Variants in TANC2 observed in about 807,000 individuals in gnomAD.
TANC2 encodes the protein protein TANC2.
Under a neutral mutation model 210.5 loss-of-function variants are expected in TANC2, and 26 were observed. That is an observed-to-expected ratio of 0.12 (90% CI 0.09 to 0.17). TANC2 has a LOEUF of 0.17. Ranked by LOEUF, TANC2 falls within the 10% of genes least tolerant of loss-of-function variation. The probability of loss-of-function intolerance (pLI) is 1.00; values close to 1 mark genes in which losing one functional copy is unlikely to be tolerated. For synonymous variants in TANC2, 931 were observed against 967.1 expected, an observed-to-expected ratio of 0.96 and a Z score of 0.69; for missense variants, 2,129 against 2,608.9, an observed-to-expected ratio of 0.82 and a Z score of 4.01.
intron 3 of TANC2, among the ~76,000 whole-genome samples, chr17:63,084,556 T>G (rs1420820588): frequency 6.6e-6 from 1 of 151,146 alleles, no homozygotes; most frequent in African/African-American, 2.5e-5. Flanking sequence ...TTTAATTTGC[T>G]CTTCTTTTTC....
intron 9 of TANC2, among the ~76,000 whole-genome samples, chr17:63,280,444 T>A (rs943220119): frequency 6.6e-6 from 1 of 152,108 alleles, no homozygotes; most frequent in African/African-American, 2.4e-5. Context: ...CAAGTAAATA[T>A]CATATCTTCT....
In TANC2 at chr17:63,421,487, T is replaced by C. The variant is rs748180943; in HGVS notation, c.5757T>C (p.Ser1919=). ...CTCCAACTCAAGGAGGTTACCCCAG[T>C]GAGCCCACCCGATCCAGGACCACAC... Residue 1919 remains serine, a synonymous_variant, in exon 28 of 28, where the codon AGT becomes AGC. Transcript: ENST00000689528. This position sits in a 1 kb window ranked among gnomAD's most constrained non-coding sequence, Gnocchi z 6.9. 3.6e-5 allele frequency: 58 copies of C among 1,613,834 alleles called. No homozygotes were observed. Among genetic ancestry groups the C allele is most frequent in the Non-Finnish European group, 4.7e-5 (56 of 1,179,870 alleles).
At chr17:63,194,039 C>G in exon 6 of TANC2, 2 of 1,613,170 alleles carry the variant, frequency 1.2e-6, no homozygotes, top group Non-Finnish European at 1.7e-6. Flanking sequence ...GATGAGGCAG[C>G]AAACACACTC....
intron 3 of TANC2, chr17:63,088,163 T>C (rs2037047312): frequency 6.6e-6 from 1 of 152,180 alleles, no homozygotes; most frequent in African/African-American, 2.4e-5. Context: ...ATGATTTGTT[T>C]CCTTGTATTA....
At chr17:63,046,714 C>T (rs1223017798) in intron 2 of TANC2, among the ~76,000 whole-genome samples, 2 of 152,064 alleles carry the variant, frequency 1.3e-5, no homozygotes, top group African/African-American at 4.8e-5. Flanking sequence ...TAAGTACCCA[C>T]AAGTGCATGG....
intron 3 of TANC2, among the ~76,000 whole-genome samples, chr17:63,080,209 G>A (rs1217777101): frequency 2.6e-5 from 4 of 152,162 alleles, no homozygotes; most frequent in African/African-American, 9.6e-5. Context: ...CCTGGAATTC[G>A]GATTCTGTAT....
intron 19 of TANC2, among the ~76,000 whole-genome samples, chr17:63,399,757 A>T (rs770989058): frequency 3.9e-5 from 6 of 152,218 alleles, no homozygotes; most frequent in Non-Finnish European, 5.9e-5. Flanking sequence ...GAGTGTTATT[A>T]AAAATAAGAG....
At chr17:63,144,590 A>G (rs2039402533) in intron 4 of TANC2, among the ~76,000 whole-genome samples, 1 of 152,188 alleles carries the variant, frequency 6.6e-6, no homozygotes, top group African/African-American at 2.4e-5. Context: ...TTTATATGAA[A>G]TTTGGAGTAT....
At chr17:63,389,899 G>A (rs1008004082) in intron 17 of TANC2, 1 of 299,348 alleles carries the variant, frequency 3.3e-6, no homozygotes, top group African/African-American at 2.2e-5. Flanking sequence ...GGCAGGTCTG[G>A]ACCAAATGAC....
rs2039356183 is a variant in TANC2, at chr17:63,143,416, G to C, written c.323-7854G>C. Among the ~76,000 whole-genome samples, 4 of 152,030 alleles carry C rather than the reference G, an allele frequency of 2.6e-5. No homozygotes were observed. The South Asian group carries it at 8.3e-4, about 32-fold the overall frequency. ...GAGATAAAGATGAAAAATTAAATAGGAATGTCATAATTATTCTAGAGCTTT... is the reference window on the plus strand; with the variant it reads ...GAGATAAAGATGAAAAATTAAATAGCAATGTCATAATTATTCTAGAGCTTT... On this transcript the variant is annotated intron_variant, in intron 4 of 27. Coordinates refer to ENST00000689528, the Ensembl canonical transcript of TANC2.
rs1299007275 is a variant in TANC2, at chr17:63,096,292, AG to A, written c.140-2880del. 3.3e-5 allele frequency among the ~76,000 whole-genome samples: 5 copies of A among 152,154 alleles called. 1 individual carries two copies. The highest frequency in any genetic ancestry group is 7.2e-5 in the African/African-American group (3 of 41,442). ...AGATTTAGTCAGCATAGTAAGTGAA[AG>A]GGCCCAGAGATGAATGAGAAGAAAA... On this transcript the variant is annotated intron_variant, in intron 3 of 27. Transcript: ENST00000689528.
intron 1 of TANC2, among the ~76,000 whole-genome samples, chr17:62,998,167 A>G (rs1327984044): frequency 1.3e-5 from 2 of 152,250 alleles, no homozygotes; most frequent in South Asian, 2.1e-4. Context: ...TGAGGAATGA[A>G]TCTCAGAGCT....
intron 2 of TANC2, among the ~76,000 whole-genome samples, chr17:63,069,842 C>T (rs1201836689): frequency 6.6e-6 from 1 of 152,024 alleles, no homozygotes; most frequent in Non-Finnish European, 1.5e-5. Flanking sequence ...TAAATAATTA[C>T]AAATTAAATA....
chr17:63,073,909 T>C (rs1454623069), intron 2 of TANC2, 34 bp from the exon 3 acceptor site: 2 of 1,532,622 alleles, frequency 1.3e-6, no homozygotes, highest in Non-Finnish European at 1.8e-6. Context: ...AATCTCATTA[T>C]CTATTTGCTT....
At chr17:63,222,313 A>G (rs2042215613) in intron 7 of TANC2, among the ~76,000 whole-genome samples, 1 of 152,226 alleles carries the variant, frequency 6.6e-6, no homozygotes, top group Non-Finnish European at 1.5e-5. Flanking sequence ...AGACCATAGC[A>G]GCTGAAAACT....
chr17:63,034,026 G>A (rs975463174), intron 2 of TANC2, among the ~76,000 whole-genome samples: 17 of 152,028 alleles, frequency 1.1e-4, no homozygotes, highest in African/African-American at 1.9e-4. Context: ...CTCTTCCCCC[G>A]TCCTTCACCT....
At chr17:63,252,065 A>C (rs2043067120) in intron 8 of TANC2, among the ~76,000 whole-genome samples, 1 of 152,208 alleles carries the variant, frequency 6.6e-6, no homozygotes, top group Non-Finnish European at 1.5e-5. Flanking sequence ...TGTGGCTAAA[A>C]GTACTTGCCA....
chr17:63,189,269 T>A (rs902633905), intron 5 of TANC2, among the ~76,000 whole-genome samples: 3 of 152,240 alleles, frequency 2.0e-5, no homozygotes, highest in Non-Finnish European at 2.9e-5. Context: ...TCAGTTCTTT[T>A]GGGTATATGC....
At chr17:63,332,300 C>T (rs1051995596) in intron 11 of TANC2, 10 of 330,894 alleles carry the variant, frequency 3.0e-5, no homozygotes, top group Non-Finnish European at 5.3e-5. Context: ...TTCTTCTCCC[C>T]TTCCCCTGCT....
Sources: allele counts gnomAD v4.1 joint callset (sites outside exome capture counted in the v4.1 genomes callset), GRCh38; gene constraint gnomAD v4.1.1; non-coding constraint Gnocchi (gnomAD v3.1); transcripts MANE v1.5; gene names NCBI Gene and HGNC (gene_info 2026-07-23, HGNC 2026-07-21).